GBP4: variants seen among roughly 807,000 people sequenced by gnomAD.
The protein encoded by GBP4 is guanylate binding protein 4.
In GBP4, 69 loss-of-function variants were observed where a neutral mutation model predicts 62.2. The observed-to-expected ratio is 1.11, with a 90% CI of 0.91 to 1.36. GBP4 has a LOEUF of 1.36. Ranked by LOEUF, GBP4 falls within the 40% of genes most tolerant of loss-of-function variation. The pLI is 0.00. For missense variants in GBP4, 697 were observed against 759.3 expected, an observed-to-expected ratio of 0.92 and a Z score of 0.96; for synonymous variants, 278 against 274.6, an observed-to-expected ratio of 1.01 and a Z score of -0.12.
In GBP4 at chr1:89,183,346, A is replaced by G. The variant is rs1647942954; in HGVS notation, c.*1908T>C. 1 of 152,240 alleles carries G rather than the reference A, an allele frequency of 6.6e-6. No homozygotes were observed. Among genetic ancestry groups the G allele is most frequent in the Non-Finnish European group, 1.5e-5 (1 of 68,042 alleles). 9.4% of individuals were successfully genotyped at this position (152,240 alleles called of 1,614,324 possible). ...ATGGTGCTGGGATTACTGGCTAGCCATATGCAGAAGATTGAAACTGGGCCC... is the reference window on the plus strand; with the variant it reads ...ATGGTGCTGGGATTACTGGCTAGCCGTATGCAGAAGATTGAAACTGGGCCC... On this transcript the variant is annotated 3_prime_UTR_variant, in exon 11 of 11. Transcript: ENST00000355754.
chr1:89,186,337 A>G lies in GBP4; in HGVS notation c.1703T>C (p.Leu568Pro), dbSNP rs1232913108. 1.2e-6 allele frequency: 2 copies of G among 1,612,888 alleles called. No homozygotes were observed. Among genetic ancestry groups the G allele is most frequent in the Non-Finnish European group, 1.7e-6 (2 of 1,179,000 alleles). The change falls in exon 10 of 11, where the codon CTG becomes CCG. Residue 568 changes from leucine (L) to proline (P), a missense_variant. Leu to Pro is a moderately conservative substitution (Grantham distance 98). Transcript: ENST00000355754. ...CCATTCTTCACGGAGACTCACCTTC[A>G]GCTTGTGTTTTAGCAGCCTTTCATG... is the stretch of plus-strand genomic sequence containing the variant. ...REHERLLKHK[L>P]KVQEEMLKEE... is the part of the protein sequence containing the mutation.
chr1:89,189,731 T>G (rs1338826891), intron 7 of GBP4, among the ~76,000 whole-genome samples: 1 of 152,252 alleles, frequency 6.6e-6, no homozygotes, highest in African/African-American at 2.4e-5. Context: ...CACCTTGTTT[T>G]CAGCCTGTGG....
chr1:89,191,128 G>A (rs1336892695), intron 6 of GBP4, 133 bp downstream of exon 6: 1 of 1,020,554 alleles, frequency 9.8e-7, no homozygotes, highest in Non-Finnish European at 1.4e-6. Context: ...TCATTTCTAT[G>A]TGTGCAATGA....
intron 6 of GBP4, 95 bp downstream of exon 6, chr1:89,191,166 G>T: frequency 7.1e-7 from 1 of 1,401,720 alleles, no homozygotes; most frequent in Non-Finnish European, 9.8e-7. Flanking sequence ...TTCCTATACA[G>T]AAGCAAACAA....
At chr1:89,186,248 G>T (rs1265450538) in intron 10 of GBP4, 85 bp downstream of exon 10, 2 of 1,019,474 alleles carry the variant, frequency 2.0e-6, no homozygotes, top group Non-Finnish European at 3.0e-6. Context: ...CTGGAATCAT[G>T]ACTGTGCCTA....
At chr1:89,195,249 T>G in intron 3 of GBP4, 48 bp downstream of exon 3, 2 of 1,596,822 alleles carry the variant, frequency 1.3e-6, no homozygotes, top group Non-Finnish European at 1.7e-6. Flanking sequence ...GCTGAAAAAA[T>G]TAAAAGATGA....
At chr1:89,195,653 C>T (rs886897921) in intron 2 of GBP4, among the ~76,000 whole-genome samples, 2 of 152,004 alleles carry the variant, frequency 1.3e-5, no homozygotes, top group African/African-American at 2.4e-5. Flanking sequence ...CTAATGGTGC[C>T]GAGCTGCTGA....
chr1:89,185,059 A>C lies in GBP4; in HGVS notation c.*195T>G. 2.2e-6 allele frequency: 1 copy of C among 458,630 alleles called. No homozygotes were observed. Among genetic ancestry groups the C allele is most frequent in the South Asian group, 4.2e-5 (1 of 23,584 alleles). The allele number at this position is 458,630 out of a possible 1,614,324, so 28.4% of individuals were successfully genotyped here. On this transcript the variant is annotated 3_prime_UTR_variant, in exon 11 of 11. Coordinates refer to ENST00000355754, the MANE Select transcript of GBP4 (RefSeq NM_052941.5). ...GACTTGTTTCCCATGTTTATAAATT[A>C]TTAGTTCAATCAAAATTAAGTTTGT...
intron 10 of GBP4, 62 bp downstream of exon 10, chr1:89,186,271 T>G (rs1255430329): frequency 3.5e-6 from 5 of 1,443,026 alleles, no homozygotes; most frequent in Non-Finnish European, 3.8e-6. Flanking sequence ...ATTTTGGTCC[T>G]TCCTTTCCTA....
Position 89,184,709 on chromosome 1 carries a change from T to C in GBP4, c.*545A>G, listed in dbSNP as rs982628864. ...ACTGGGGTCTACTTGAGGGTGTAGG[T>C]TGGGAGGAGGGAGAAGATCAGAAAA... On this transcript the variant is annotated 3_prime_UTR_variant, in exon 11 of 11. Coordinates refer to ENST00000355754, the MANE Select transcript of GBP4 (RefSeq NM_052941.5). 1 of 152,284 alleles carries C rather than the reference T, an allele frequency of 6.6e-6. No homozygotes were observed. The highest frequency in any genetic ancestry group is 2.4e-5 in the African/African-American group (1 of 41,382). 9.4% of individuals were successfully genotyped at this position (152,284 alleles called of 1,614,324 possible).
At chr1:89,197,946 G>A (rs113351554) in intron 1 of GBP4, among the ~76,000 whole-genome samples, 5,427 of 152,090 alleles carry the variant, frequency 0.036, 324 homozygotes, top group African/African-American at 0.12. Flanking sequence ...CCGAGAGACG[G>A]CTAGTGCTCA....
chr1:89,187,618 TATAAC>T (rs1468964479), intron 8 of GBP4, among the ~76,000 whole-genome samples: 3 of 151,990 alleles, frequency 2.0e-5, no homozygotes, highest in African/African-American at 7.2e-5. Context: ...AAGGAAATCA[TATAAC>T]TAAATAGCAA....
chr1:89,186,942 C>A, intron 9 of GBP4, 58 bp downstream of exon 9: 1 of 1,459,694 alleles, frequency 6.9e-7, no homozygotes, highest in East Asian at 2.3e-5. Flanking sequence ...GTGTGATCAG[C>A]AAGAAGGCAT....
rs2100670766 is a variant in GBP4 at position 89,182,191 on chromosome 1, C to G, written c.*3063G>C. ...AGGATGAGCTGCAGACAAAACTTCTCAGACACCGAGTTGGAGAAGGAAGGG... is the reference window on the plus strand; with the variant it reads ...AGGATGAGCTGCAGACAAAACTTCTGAGACACCGAGTTGGAGAAGGAAGGG... On this transcript the variant is annotated 3_prime_UTR_variant, in exon 11 of 11. Transcript: ENST00000355754. The G allele has an allele frequency of 6.6e-6, 1 of 152,278 alleles. No individual in the cohort carries two copies. The highest frequency in any genetic ancestry group is 2.1e-4 in the South Asian group (1 of 4,822). The allele number at this position is 152,278 out of a possible 1,614,324, so 9.4% of individuals were successfully genotyped here. A position where few individuals can be genotyped will look rare whatever the true frequency, so the allele number is the denominator to read the frequency against.
intron 3 of GBP4, among the ~76,000 whole-genome samples, chr1:89,194,895 A>G (rs148379252): frequency 1.3e-5 from 2 of 152,300 alleles, no homozygotes; most frequent in African/African-American, 2.4e-5. Context: ...ACTTTCTCCA[A>G]CAAGCCTTCT....
intron 1 of GBP4, 152 bp from the exon 2 acceptor site, chr1:89,197,456 A>G: frequency 1.8e-6 from 1 of 550,338 alleles, no homozygotes. Flanking sequence ...TCTACGTTTA[A>G]TGGTATATAA....
At position 89,187,013 on chromosome 1, in the gene GBP4, C is replaced by G. The variant is rs1648054270; in HGVS notation, c.1500G>C (p.Glu500Asp). ...LQSDKALTAGEKAIAAERAMK... is the reference protein window; with the variant it reads ...LQSDKALTAGDKAIAAERAMK... ...CTGCCCCTGTACCTGCTATGGCCTT[C>G]TCTCCAGCAGTGAGGGCTTTGTCTG... Residue 500 changes from glutamate to aspartate, a missense_variant, in exon 9 of 11, where the codon GAG (glutamate) becomes GAC (aspartate). Around this residue, in one of 2 missense-constraint regions of GBP4, gnomAD observed 141 missense variants for 196.6 expected, o/e 0.72. Transcript: ENST00000355754. The G allele has an allele frequency of 6.2e-7, 1 of 1,613,882 alleles. No homozygotes were observed. The highest frequency in any genetic ancestry group is 1.1e-5 in the South Asian group (1 of 91,066).
Position 89,184,102 on chromosome 1 carries a change from G to T in GBP4, c.*1152C>A, listed in dbSNP as rs968745888. The T allele has an allele frequency of 6.6e-6, 1 of 152,122 alleles. No individual in the cohort carries two copies. The highest frequency in any genetic ancestry group is 1.5e-5 in the Non-Finnish European group (1 of 68,016). 9.4% of individuals were successfully genotyped at this position (152,122 alleles called of 1,614,324 possible). ...AAGAAGACATATATGCATTTAAAAAGCATATAAAAATCACTCATCATCACT... is the reference window on the plus strand; with the variant it reads ...AAGAAGACATATATGCATTTAAAAATCATATAAAAATCACTCATCATCACT... On this transcript the variant is annotated 3_prime_UTR_variant, in exon 11 of 11. Coordinates refer to ENST00000355754, the MANE Select transcript of GBP4 (RefSeq NM_052941.5).
intron 4 of GBP4, 67 bp from the exon 5 acceptor site, chr1:89,193,167 T>C: frequency 6.4e-7 from 1 of 1,561,018 alleles, no homozygotes; most frequent in South Asian, 1.1e-5. Context: ...TAGAAACAAG[T>C]TTTATACACG....
Sources: gnomAD v4.1 joint callset for allele counts (sites outside exome capture counted in the v4.1 genomes callset) on GRCh38, gnomAD v4.1.1 for gene constraint, gnomAD v4.1.1 regional missense constraint, MANE v1.5 for transcripts, NCBI Gene and HGNC (gene_info 2026-07-23, HGNC 2026-07-21) for gene names.